Variants in CATSPERB observed in about 807,000 individuals in gnomAD.
CATSPERB encodes the protein cation channel sperm-associated auxiliary subunit beta.
Under a neutral mutation model 128.3 loss-of-function variants are expected in CATSPERB, and 93 were observed. The observed-to-expected ratio is 0.72, with a 90% confidence interval of 0.61 to 0.86. The LOEUF is 0.86. CATSPERB is among the 40% of genes least tolerant of loss of function. The probability of loss-of-function intolerance (pLI) is 0.00; values close to 1 mark genes in which losing one functional copy is unlikely to be tolerated. For missense variants in CATSPERB, 1,153 were observed against 1,329.5 expected, an observed-to-expected ratio of 0.87 and a Z score of 2.06; for synonymous variants, 381 against 448.8, an observed-to-expected ratio of 0.85 and a Z score of 1.91.
intron 11 of CATSPERB, among the ~76,000 whole-genome samples, chr14:91,678,561 C>T (rs1895229214): frequency 6.6e-6 from 1 of 152,136 alleles, no homozygotes. Context: ...TAAATGAGTA[C>T]TCATAAATGA....
chr14:91,694,765 A>T (rs1216100570), intron 7 of CATSPERB, among the ~76,000 whole-genome samples: 1 of 152,184 alleles, frequency 6.6e-6, no homozygotes, highest in East Asian at 1.9e-4. Context: ...CACAAATCCT[A>T]AAGTACTTTG....
In CATSPERB at chr14:91,580,834, C is replaced by T. The variant is rs534646072; in HGVS notation, c.*55G>A. 6 of 1,344,330 alleles carry T rather than the reference C, an allele frequency of 4.5e-6. No homozygotes were observed. The highest frequency in any genetic ancestry group is 2.3e-5 in the East Asian group (1 of 43,490). 83.3% of individuals were successfully genotyped at this position (1,344,330 alleles called of 1,614,324 possible). A position where few individuals can be genotyped will look rare whatever the true frequency, so the allele number is the denominator to read the frequency against. On this transcript the variant is annotated 3_prime_UTR_variant, in exon 27 of 27. Coordinates refer to ENST00000256343, the MANE Select transcript of CATSPERB (RefSeq NM_024764.4). ...ATATTTAACATTTAAATATATTGTT[C>T]TAGGAATTGGCTGATAAAACTAGAA...
chr14:91,582,880 A>G (rs1005324412), intron 26 of CATSPERB, among the ~76,000 whole-genome samples: 1 of 152,216 alleles, frequency 6.6e-6, no homozygotes, highest in African/African-American at 2.4e-5. Flanking sequence ...GATGCAGGAC[A>G]GGAACATGGG....
chr14:91,600,110 A>G (rs527831200), intron 22 of CATSPERB, among the ~76,000 whole-genome samples: 1 of 152,288 alleles, frequency 6.6e-6, no homozygotes, highest in African/African-American at 2.4e-5. Flanking sequence ...ATATGTTTTC[A>G]ATTCTTTTGG....
chr14:91,712,171 T>C (rs1310739806), intron 5 of CATSPERB, among the ~76,000 whole-genome samples: 1 of 152,216 alleles, frequency 6.6e-6, no homozygotes, highest in Non-Finnish European at 1.5e-5. Flanking sequence ...AATATGTTCT[T>C]GGAAACTAGG....
chr14:91,700,938 C>A (rs1356416247), intron 7 of CATSPERB, among the ~76,000 whole-genome samples: 6 of 152,174 alleles, frequency 3.9e-5, no homozygotes, highest in Admixed American at 1.3e-4. Context: ...ATGTAACAAA[C>A]CTGCACATGT....
chr14:91,696,857 A>G (rs1895572172), intron 7 of CATSPERB, among the ~76,000 whole-genome samples: 1 of 152,212 alleles, frequency 6.6e-6, no homozygotes, highest in South Asian at 2.1e-4. Context: ...TTACAGTGCA[A>G]CAGGCAGTAA....
intron 19 of CATSPERB, among the ~76,000 whole-genome samples, chr14:91,620,280 C>T (rs1894018376): frequency 6.6e-6 from 1 of 152,010 alleles, no homozygotes; most frequent in Non-Finnish European, 1.5e-5. Flanking sequence ...TAATGGTCTC[C>T]ATTCCAACTT....
At chr14:91,698,449 G>C (rs1176569528) in intron 7 of CATSPERB, among the ~76,000 whole-genome samples, 2 of 152,110 alleles carry the variant, frequency 1.3e-5, no homozygotes, top group Non-Finnish European at 2.9e-5. Flanking sequence ...AGAGGTGAGA[G>C]TGAGCATCCT....
chr14:91,618,519 T>C (rs1466804695), intron 19 of CATSPERB, among the ~76,000 whole-genome samples: 1 of 152,230 alleles, frequency 6.6e-6, no homozygotes, highest in Non-Finnish European at 1.5e-5. Flanking sequence ...TCTCAAATGC[T>C]AATCAAGGTC....
At chr14:91,695,822 G>A (rs559118191) in intron 7 of CATSPERB, among the ~76,000 whole-genome samples, 1 of 152,294 alleles carries the variant, frequency 6.6e-6, no homozygotes, top group East Asian at 1.9e-4. Context: ...AAAAAATGTT[G>A]ACTTGACCTA....
intron 13 of CATSPERB, among the ~76,000 whole-genome samples, chr14:91,671,233 G>A (rs1000804565): frequency 3.9e-5 from 6 of 152,116 alleles, no homozygotes; most frequent in African/African-American, 7.2e-5. Context: ...CCCTGAAGGA[G>A]AAGGAAAGAC....
chr14:91,603,039 T>C, intron 22 of CATSPERB: 2 of 781,354 alleles, frequency 2.6e-6, no homozygotes, highest in Non-Finnish European at 4.8e-6. Context: ...GATGTGCCTT[T>C]GCCTGTGTCT....
At chr14:91,612,022 TTC>T (rs1491195308) in intron 20 of CATSPERB, among the ~76,000 whole-genome samples, 2 of 85,342 alleles carry the variant, frequency 2.3e-5, no homozygotes, top group Non-Finnish European at 5.1e-5. Flanking sequence ...TTTTCTTTCT[TTC>T]TTTCTTTCTT....
rs757350735 is a variant in CATSPERB, at chr14:91,625,056, A to T, written c.1743-49T>A. On this transcript the variant is annotated intron_variant, in intron 17 of 26. Coordinates refer to ENST00000256343, the MANE Select transcript of CATSPERB (RefSeq NM_024764.4). ...GCAATTTGGATAAAACAGTGGATTA[A>T]ATGAACCAATTTATGAACAAATAAT... The T allele has an allele frequency of 2.4e-4, 272 of 1,114,752 alleles. 1 individual carries two copies. Among genetic ancestry groups the T allele is most frequent in the Non-Finnish European group, 3.3e-4 (266 of 803,380 alleles). 69.1% of individuals were successfully genotyped at this position (1,114,752 alleles called of 1,614,324 possible).
intron 13 of CATSPERB, among the ~76,000 whole-genome samples, chr14:91,672,332 C>G (rs1895112296): frequency 6.6e-6 from 1 of 152,144 alleles, no homozygotes; most frequent in Admixed American, 6.5e-5. Flanking sequence ...GTCACCTCAC[C>G]TGGTGTGCTG....
At chr14:91,730,444 G>A (rs998984737) in intron 1 of CATSPERB, among the ~76,000 whole-genome samples, 16 of 152,180 alleles carry the variant, frequency 1.1e-4, no homozygotes, top group African/African-American at 3.9e-4. Context: ...CCAGAACTGT[G>A]AGAAAATAAA....
intron 6 of CATSPERB, among the ~76,000 whole-genome samples, chr14:91,705,953 G>GA (rs1206728326): frequency 6.6e-6 from 1 of 151,098 alleles, no homozygotes; most frequent in African/African-American, 2.4e-5. Context: ...TTTTCTTTTA[G>GA]AAAAAAATGA....
intron 26 of CATSPERB, among the ~76,000 whole-genome samples, chr14:91,585,494 T>C (rs1893282520): frequency 6.6e-6 from 1 of 152,232 alleles, no homozygotes; most frequent in Non-Finnish European, 1.5e-5. Context: ...TTGAGTCCTT[T>C]TGGTAGTTTT....
Sources: gnomAD v4.1 joint callset for allele counts (sites outside exome capture counted in the v4.1 genomes callset) on GRCh38, gnomAD v4.1.1 for gene constraint, MANE v1.5 for transcripts, NCBI Gene and HGNC (gene_info 2026-07-23, HGNC 2026-07-21) for gene names.